The following CTNND2 variants were observed in gnomAD, a reference collection of about 807,000 sequenced individuals.
CTNND2 encodes the protein catenin delta-2.
Under a neutral mutation model 144.4 loss-of-function variants are expected in CTNND2, and 22 were observed. That is an observed-to-expected ratio of 0.15 (90% CI 0.11 to 0.22). The LOEUF (loss-of-function observed/expected upper bound fraction) is 0.22. Among genes scored for constraint, CTNND2 ranks in the 10% least tolerant of loss-of-function variants. The pLI is 1.00. For synonymous variants in CTNND2, 751 were observed against 695.6 expected, an observed-to-expected ratio of 1.08 and a Z score of -1.25; for missense variants, 1,353 against 1,618.8, an observed-to-expected ratio of 0.84 and a Z score of 2.82.
At chr5:10,999,056 C>A (rs1296596410) in intron 18 of CTNND2, among the ~76,000 whole-genome samples, 1 of 152,250 alleles carries the variant, frequency 6.6e-6, no homozygotes, top group Non-Finnish European at 1.5e-5. Flanking sequence ...TCATTACAAA[C>A]ACCTTGAGCA....
intron 9 of CTNND2, among the ~76,000 whole-genome samples, chr5:11,331,989 A>G (rs1398985035): frequency 1.3e-5 from 2 of 152,138 alleles, no homozygotes; most frequent in Non-Finnish European, 2.9e-5. Flanking sequence ...TTTAAGAATA[A>G]TGTAGGCCGG....
chr5:11,688,020 G>A (rs937029115), intron 2 of CTNND2, among the ~76,000 whole-genome samples: 5 of 152,158 alleles, frequency 3.3e-5, no homozygotes, highest in Non-Finnish European at 7.3e-5. Context: ...GACTGGAACC[G>A]AATTTTGCCT....
intron 16 of CTNND2, among the ~76,000 whole-genome samples, chr5:11,039,819 T>C (rs1251016345): frequency 6.6e-6 from 1 of 152,068 alleles, no homozygotes; most frequent in Non-Finnish European, 1.5e-5. Flanking sequence ...CCCAGCACTT[T>C]GGGAGGCCGA....
intron 9 of CTNND2, among the ~76,000 whole-genome samples, chr5:11,293,284 C>A (rs888377281): frequency 5.9e-5 from 9 of 152,114 alleles, no homozygotes; most frequent in Admixed American, 2.0e-4. Context: ...TACAGGTGAC[C>A]CTCATACAAT....
At chr5:11,721,205 G>T (rs568111494) in intron 2 of CTNND2, among the ~76,000 whole-genome samples, 1 of 152,114 alleles carries the variant, frequency 6.6e-6, no homozygotes, top group Non-Finnish European at 1.5e-5. Context: ...AGCAATATAA[G>T]CCCTTTAGAA....
intron 1 of CTNND2, among the ~76,000 whole-genome samples, chr5:11,876,408 T>G (rs1238666762): frequency 6.6e-6 from 1 of 152,068 alleles, no homozygotes; most frequent in Non-Finnish European, 1.5e-5. Context: ...GGGTCAAAGG[T>G]GACTTGGGTC....
At position 11,088,241 on chromosome 5, in the gene CTNND2, C is replaced by T. The variant is rs543380997; in HGVS notation, c.2638-5395G>A. Among the ~76,000 whole-genome samples, 31 of 152,120 alleles carry T rather than the reference C, an allele frequency of 2.0e-4. No individual in the cohort carries two copies. The South Asian group carries it at 6.0e-3, about 30-fold the overall frequency. ...GGCTGCCTCAGATCTTATTCTGAGA[C>T]CCCTGTGTGTTCCTTAGTAACAGTG... On this transcript the variant is annotated intron_variant, in intron 15 of 21. Transcript: ENST00000304623.
At chr5:11,474,859 G>A (rs1767570233) in intron 3 of CTNND2, among the ~76,000 whole-genome samples, 1 of 151,890 alleles carries the variant, frequency 6.6e-6, no homozygotes. Context: ...ACCTTCCATG[G>A]TACCCTTGAG....
intron 16 of CTNND2, among the ~76,000 whole-genome samples, chr5:11,043,836 T>C (rs1744944003): frequency 6.6e-6 from 1 of 152,182 alleles, no homozygotes; most frequent in South Asian, 2.1e-4. Flanking sequence ...GCATGGAAGA[T>C]TAAAAAAGCA....
intron 3 of CTNND2, among the ~76,000 whole-genome samples, chr5:11,476,037 T>TTC (rs1054834260): frequency 6.0e-5 from 9 of 150,590 alleles, no homozygotes; most frequent in African/African-American, 1.7e-4. Flanking sequence ...TTTTTCTATT[T>TTC]TTTTTTTTTT....
chr5:11,699,042 C>T (rs1167558781), intron 2 of CTNND2, among the ~76,000 whole-genome samples: 1 of 148,346 alleles, frequency 6.7e-6, no homozygotes, highest in Non-Finnish European at 1.5e-5. Context: ...ATATATATAT[C>T]ATATGTTCCC....
At chr5:11,355,104 AAGG>A (rs1305508244) in intron 8 of CTNND2, among the ~76,000 whole-genome samples, 2 of 152,192 alleles carry the variant, frequency 1.3e-5, no homozygotes, top group Non-Finnish European at 2.9e-5. Flanking sequence ...CAGTTATAAG[AAGG>A]AGTTTATAGC....
intron 1 of CTNND2, among the ~76,000 whole-genome samples, chr5:11,799,604 A>C (rs1048285550): frequency 1.1e-4 from 17 of 152,184 alleles, no homozygotes; most frequent in Admixed American, 5.2e-4. Flanking sequence ...TAATAGGAAA[A>C]GACATTAGCT....
At chr5:11,110,807 T>C (rs1021936271) in intron 14 of CTNND2, 51 bp downstream of exon 14, 3 of 1,530,830 alleles carry the variant, frequency 2.0e-6, no homozygotes, top group South Asian at 1.1e-5. Flanking sequence ...TATATTACAG[T>C]TGCAATTAGG....
In CTNND2 at chr5:11,903,436, C is replaced by A; in HGVS notation, c.37+381G>T. ...TGGAGGGAAGTCCTCCCCACCCCCA[C>A]CCCGTCTCCTCCCGTATATTAGGGA... is the stretch of plus-strand genomic sequence containing the variant. On this transcript the variant is annotated intron_variant, in intron 1 of 21. Coordinates refer to ENST00000304623, the MANE Select transcript of CTNND2 (RefSeq NM_001332.4). The surrounding 1 kb of genome is among the most constrained non-coding windows in gnomAD (Gnocchi z 5.4). The A allele has an allele frequency of 1.0e-6, 1 of 961,008 alleles. No homozygotes were observed. The highest frequency in any genetic ancestry group is 1.3e-6 in the Non-Finnish European group (1 of 791,410). The allele number at this position is 961,008 out of a possible 1,614,324, so 59.5% of individuals were successfully genotyped here. A position where few individuals can be genotyped will look rare whatever the true frequency, so the allele number is the denominator to read the frequency against.
intron 1 of CTNND2, among the ~76,000 whole-genome samples, chr5:11,777,433 T>A (rs1790317776): frequency 6.6e-6 from 1 of 152,232 alleles, no homozygotes; most frequent in Non-Finnish European, 1.5e-5. Flanking sequence ...TTAGATTCAA[T>A]GTTTATATTC....
chr5:11,456,362 T>C (rs1015454622), intron 3 of CTNND2, among the ~76,000 whole-genome samples: 23 of 151,682 alleles, frequency 1.5e-4, no homozygotes, highest in Admixed American at 7.2e-4. Context: ...GGAGACGGAA[T>C]AGAGAATCAT....
rs61754596 is a variant in CTNND2 at position 11,111,292 on chromosome 5, A to G, written c.2278-249T>C. On this transcript the variant is annotated intron_variant, in intron 13 of 21. Coordinates refer to ENST00000304623, the MANE Select transcript of CTNND2 (RefSeq NM_001332.4). ...ATAGTTACTTCTATAAACATCTGTTATTGTTGATTGAAATTCACTTGTGAG... is the reference window on the plus strand; with the variant it reads ...ATAGTTACTTCTATAAACATCTGTTGTTGTTGATTGAAATTCACTTGTGAG... 6.0e-4 allele frequency among the ~76,000 whole-genome samples: 91 copies of G among 152,354 alleles called. 1 individual carries two copies. Among genetic ancestry groups the G allele is most frequent in the African/African-American group, 2.1e-3 (89 of 41,592 alleles).
At chr5:11,170,238 G>A (rs1023107707) in intron 11 of CTNND2, among the ~76,000 whole-genome samples, 5 of 152,152 alleles carry the variant, frequency 3.3e-5, no homozygotes, top group African/African-American at 7.2e-5. Context: ...GAGATGTGGC[G>A]TGCTATCCTT....
Sources: gnomAD v4.1 joint callset for allele counts (sites outside exome capture counted in the v4.1 genomes callset) on GRCh38, gnomAD v4.1.1 for gene constraint, Gnocchi (gnomAD v3.1) non-coding constraint, MANE v1.5 for transcripts, NCBI Gene and HGNC (gene_info 2026-07-23, HGNC 2026-07-21) for gene names.